The following EEF2K variants were observed in gnomAD, a reference collection of about 807,000 sequenced individuals.
EEF2K encodes the protein alternative protein EEF2K.
Under a neutral mutation model 93.8 loss-of-function variants are expected in EEF2K, and 70 were observed. The observed-to-expected ratio is 0.75, with a 90% CI of 0.62 to 0.91. The LOEUF (loss-of-function observed/expected upper bound fraction) is 0.91. EEF2K is among the 40% of genes least tolerant of loss of function. The pLI is 0.00. For synonymous variants in EEF2K, 376 were observed against 380.8 expected, an observed-to-expected ratio of 0.99 and a Z score of 0.15; for missense variants, 935 against 972.9, an observed-to-expected ratio of 0.96 and a Z score of 0.52.
chr16:22,226,049 T>C lies in EEF2K; in HGVS notation c.246+74T>C, dbSNP rs998966242. On this transcript the variant is annotated intron_variant, in intron 2 of 17. Coordinates refer to ENST00000263026, the MANE Select transcript of EEF2K (RefSeq NM_013302.5). Reference sequence around the variant, plus strand: ...AGGGATGGAGGGTTGGAGTCGCTGGTTGGGGACTTCTTCGTATTTCCAAAC... The same window carrying C: ...AGGGATGGAGGGTTGGAGTCGCTGGCTGGGGACTTCTTCGTATTTCCAAAC... 9.5e-6 allele frequency: 15 copies of C among 1,571,288 alleles called. No homozygotes were observed. In the African/African-American group the frequency reaches 1.1e-4, roughly 11 times the overall value.
In EEF2K at chr16:22,250,662, C is replaced by T. The variant is rs1375063676; in HGVS notation, c.417C>T (p.Gly139=). Residue 139 remains glycine, a synonymous_variant, in exon 5 of 18, where the codon GGC becomes GGT. Transcript: ENST00000263026. ...TGTGTGGTGTCTTTCAGCCCTTCGG[C>T]CGAGGAGCAATGAGGGAGTGCTTCC... The part of the protein sequence containing the change: ...VLIKMASQPF[G]RGAMRECFRT... The T allele has an allele frequency of 1.2e-6, 2 of 1,614,208 alleles. No individual in the cohort carries two copies. The highest frequency in any genetic ancestry group is 2.2e-5 in the East Asian group (1 of 44,884).
intron 12 of EEF2K, 54 bp downstream of exon 12, chr16:22,263,241 C>T: frequency 2.0e-6 from 3 of 1,528,318 alleles, no homozygotes; most frequent in Non-Finnish European, 2.7e-6. Flanking sequence ...TGTTTATCCT[C>T]CAGGAAAATG....
At chr16:22,235,683 A>G (rs992509438) in intron 2 of EEF2K, among the ~76,000 whole-genome samples, 4 of 152,030 alleles carry the variant, frequency 2.6e-5, no homozygotes, top group Non-Finnish European at 5.9e-5. Flanking sequence ...TTTTTAGTGG[A>G]GATGGGGTTT....
At chr16:22,235,213 CAAAA>C (rs557122340) in intron 2 of EEF2K, among the ~76,000 whole-genome samples, 1 of 138,248 alleles carries the variant, frequency 7.2e-6, no homozygotes, top group African/African-American at 2.7e-5. Context: ...GACTGTGTCT[CAAAA>C]AAAAAAAAGT....
rs746496365 is a variant in EEF2K at position 22,258,666 on chromosome 16, C to T, written c.1202C>T (p.Thr401Ile). 2.2e-5 allele frequency: 36 copies of T among 1,614,092 alleles called. No homozygotes were observed. Among genetic ancestry groups the T allele is most frequent in the Non-Finnish European group, 2.6e-5 (31 of 1,180,054 alleles). ...DSLPSSPSSA[T>I]PHSQKLDHLH... Reference sequence around the variant, plus strand: ...CTCCCTTCTTCCCCATCTTCGGCCACACCACACAGCCAGAAGCTAGACCAC... The same window carrying T: ...CTCCCTTCTTCCCCATCTTCGGCCATACCACACAGCCAGAAGCTAGACCAC... The change falls in exon 10 of 18, where the codon ACA becomes ATA. Residue 401 changes from threonine (T) to isoleucine (I), a missense_variant. Coordinates refer to ENST00000263026, the MANE Select transcript of EEF2K (RefSeq NM_013302.5).
At chr16:22,265,578 T>G (rs2047508790) in intron 13 of EEF2K, among the ~76,000 whole-genome samples, 1 of 152,224 alleles carries the variant, frequency 6.6e-6, no homozygotes, top group Non-Finnish European at 1.5e-5. Context: ...TGTGGTATTT[T>G]GTAGCCAGAT....
At chr16:22,274,197 C>A (rs2047612849) in intron 16 of EEF2K, among the ~76,000 whole-genome samples, 1 of 151,990 alleles carries the variant, frequency 6.6e-6, no homozygotes, top group African/African-American at 2.4e-5. Flanking sequence ...AATCTTAGCA[C>A]TTTGGGAGGC....
rs556017485 is a variant in EEF2K, at chr16:22,242,842, G to C, written c.247-1788G>C. On this transcript the variant is annotated intron_variant, in intron 2 of 17. Coordinates refer to ENST00000263026, the MANE Select transcript of EEF2K (RefSeq NM_013302.5). ...TAAATGCTATGTTATGTGTAAAGGC[G>C]GCGTATCCTTTGGGAGGCTGAGGTG... is the stretch of plus-strand genomic sequence containing the variant. Among the ~76,000 whole-genome samples, 6 of 152,100 alleles carry C rather than the reference G, an allele frequency of 3.9e-5. No homozygotes were observed. The South Asian group carries it at 6.2e-4, about 16-fold the overall frequency.
In EEF2K at chr16:22,252,878, G is replaced by A. The variant is rs535032931; in HGVS notation, c.618+1556G>A. On this transcript the variant is annotated intron_variant, in intron 6 of 17. Coordinates refer to ENST00000263026, the MANE Select transcript of EEF2K (RefSeq NM_013302.5). ...TCCCCTTATAAAACCATCAGATCTC[G>A]TGAGACTTATTCACTATCATGAGAA... Among the ~76,000 whole-genome samples the A allele has an allele frequency of 2.6e-3, 400 of 152,206 alleles. 1 individual carries two copies. Among genetic ancestry groups the A allele is most frequent in the Middle Eastern group, 0.017 (5 of 294 alleles).
At chr16:22,235,500 C>G (rs1042914685) in intron 2 of EEF2K, among the ~76,000 whole-genome samples, 1 of 151,946 alleles carries the variant, frequency 6.6e-6, no homozygotes, top group Non-Finnish European at 1.5e-5. Context: ...GCAGTTTCCA[C>G]GTTTGTTTGT....
chr16:22,257,558 C>T, intron 8 of EEF2K, 85 bp from the exon 9 acceptor site: 3 of 1,571,436 alleles, frequency 1.9e-6, no homozygotes, highest in East Asian at 2.2e-5. Flanking sequence ...TTATACCTGC[C>T]CTGGCCATAT....
chr16:22,250,824 C>A, intron 5 of EEF2K, 133 bp downstream of exon 5: 1 of 1,190,002 alleles, frequency 8.4e-7, no homozygotes, highest in East Asian at 2.5e-5. Context: ...AGGTTCCTGT[C>A]CATCTAGTCT....
chr16:22,266,444 G>A lies in EEF2K; in HGVS notation c.1495G>A (p.Ala499Thr). ...LNSSRLHLPR[A>T]SAVALEVQRL... ...CTCCTCCCGCCTCCACCTGCCGAGG[G>A]CTTCGGCCGTGGCCCTGGAAGTGCA... is the stretch of plus-strand genomic sequence containing the variant. The change falls in exon 14 of 18, where the codon GCT becomes ACT. Residue 499 changes from alanine to threonine, a missense_variant. By Grantham distance (58) the Ala-to-Thr change is moderately conservative. Coordinates refer to ENST00000263026, the MANE Select transcript of EEF2K (RefSeq NM_013302.5). The A allele has an allele frequency of 6.2e-7, 1 of 1,614,176 alleles. No individual in the cohort carries two copies. The highest frequency in any genetic ancestry group is 8.5e-7 in the Non-Finnish European group (1 of 1,180,034).
At chr16:22,242,372 A>C (rs1228864306) in intron 2 of EEF2K, among the ~76,000 whole-genome samples, 1 of 151,506 alleles carries the variant, frequency 6.6e-6, no homozygotes, top group African/African-American at 2.4e-5. Flanking sequence ...CCCAGGCTGG[A>C]GTGCAGTGGC....
At chr16:22,273,818 A>G (rs1360499396) in intron 16 of EEF2K, 68 bp downstream of exon 16, 5 of 1,589,196 alleles carry the variant, frequency 3.1e-6, no homozygotes, top group South Asian at 1.1e-5. Context: ...TGTCCTCGGT[A>G]TCAGCACAGG....
At chr16:22,226,514 C>CTTTTTTTTTTT (rs1393099761) in intron 2 of EEF2K, among the ~76,000 whole-genome samples, 2 of 84,490 alleles carry the variant, frequency 2.4e-5, no homozygotes, top group African/African-American at 1.3e-4. Flanking sequence ...TTTCCTTCTT[C>CTTTTTTTTTTT]TTCTTTTTTT....
Position 22,285,870 on chromosome 16 carries a change from T to C in EEF2K, c.*1874T>C, listed in dbSNP as rs1229182391. ...TTTTCTTTTTATTATTTTATAATTT[T>C]TGAAATAGAGATGGGGTCTCACTGT... is the stretch of plus-strand genomic sequence containing the variant. On this transcript the variant is annotated 3_prime_UTR_variant, in exon 18 of 18. Coordinates refer to ENST00000263026, the MANE Select transcript of EEF2K (RefSeq NM_013302.5). The C allele has an allele frequency of 1.3e-5, 2 of 152,172 alleles. No individual in the cohort carries two copies. The highest frequency in any genetic ancestry group is 4.8e-5 in the African/African-American group (2 of 41,438). 9.4% of individuals were successfully genotyped at this position (152,172 alleles called of 1,614,324 possible). A position where few individuals can be genotyped will look rare whatever the true frequency, so the allele number is the denominator to read the frequency against.
intron 1 of EEF2K, among the ~76,000 whole-genome samples, chr16:22,207,394 T>G (rs1361721004): frequency 6.6e-6 from 1 of 152,126 alleles, no homozygotes; most frequent in Non-Finnish European, 1.5e-5. Context: ...GGTGGGTGCT[T>G]CTTCAGCCAG....
rs1475825896 is a variant in EEF2K at position 22,229,055 on chromosome 16, C to T, written c.246+3080C>T. 2.0e-5 allele frequency among the ~76,000 whole-genome samples: 3 copies of T among 152,234 alleles called. No individual in the cohort carries two copies. In the East Asian group the frequency reaches 5.8e-4, roughly 29 times the overall value. ...TCAGGAGGCTGAGGCAGAAGAATCC[C>T]TTGAACCCAGGAGGCAGAGGTTGTG... On this transcript the variant is annotated intron_variant, in intron 2 of 17. Coordinates refer to ENST00000263026, the MANE Select transcript of EEF2K (RefSeq NM_013302.5).
Sources: allele counts gnomAD v4.1 joint callset (sites outside exome capture counted in the v4.1 genomes callset), GRCh38; gene constraint gnomAD v4.1.1; transcripts MANE v1.5; gene names NCBI Gene and HGNC (gene_info 2026-07-23, HGNC 2026-07-21).